The following OSBPL6 variants were observed in gnomAD, a reference collection of about 807,000 sequenced individuals.
The protein encoded by OSBPL6 is oxysterol binding protein like 6.
Under a neutral mutation model 125.8 loss-of-function variants are expected in OSBPL6, and 49 were observed. That is an observed-to-expected ratio of 0.39 (90% CI 0.31 to 0.49). OSBPL6 has a LOEUF of 0.49. Among genes scored for constraint, OSBPL6 ranks in the 20% least tolerant of loss-of-function variants. The pLI is 0.88. For synonymous variants in OSBPL6, 394 were observed against 391.8 expected, an observed-to-expected ratio of 1.01 and a Z score of -0.07; for missense variants, 986 against 1,135.4, an observed-to-expected ratio of 0.87 and a Z score of 1.89.
intron 1 of OSBPL6, among the ~76,000 whole-genome samples, chr2:178,282,079 G>T (rs1684249345): frequency 6.6e-6 from 1 of 152,208 alleles, no homozygotes; most frequent in South Asian, 2.1e-4. Flanking sequence ...GACACAAATA[G>T]AACTGACCAA....
intron 1 of OSBPL6, among the ~76,000 whole-genome samples, chr2:178,205,275 C>T (rs917681040): frequency 6.6e-6 from 1 of 152,066 alleles, no homozygotes; most frequent in Non-Finnish European, 1.5e-5. Context: ...AGAGAGGAAG[C>T]CAAAGATGAA....
chr2:178,319,222 G>A (rs1688032077), intron 3 of OSBPL6, among the ~76,000 whole-genome samples: 2 of 152,296 alleles, frequency 1.3e-5, no homozygotes, highest in Admixed American at 6.5e-5. Context: ...TGGTTTGAGT[G>A]TGTTTTTGAA....
intron 1 of OSBPL6, among the ~76,000 whole-genome samples, chr2:178,276,909 C>T (rs1330168509): frequency 6.6e-6 from 1 of 151,926 alleles, no homozygotes; most frequent in African/African-American, 2.4e-5. Context: ...CTCTGCTAGG[C>T]AGGAGTCAGC....
chr2:178,381,393 G>A (rs548953996), intron 15 of OSBPL6, among the ~76,000 whole-genome samples: 12 of 152,018 alleles, frequency 7.9e-5, no homozygotes, highest in African/African-American at 1.7e-4. Context: ...TCGCTCTGTC[G>A]CCCAGGCTAG....
intron 1 of OSBPL6, among the ~76,000 whole-genome samples, chr2:178,216,992 C>T (rs2090120205): frequency 6.6e-6 from 1 of 152,196 alleles, no homozygotes; most frequent in African/African-American, 2.4e-5. Context: ...GAAAGAGCCA[C>T]TGTTGGGACG....
At chr2:178,384,979 A>T (rs926859209) in intron 18 of OSBPL6, among the ~76,000 whole-genome samples, 1 of 152,150 alleles carries the variant, frequency 6.6e-6, no homozygotes, top group Non-Finnish European at 1.5e-5. Context: ...GAAAACTAAC[A>T]CAAGAACAGA....
chr2:178,292,111 C>T (rs1685333895), intron 2 of OSBPL6, among the ~76,000 whole-genome samples: 1 of 151,950 alleles, frequency 6.6e-6, no homozygotes, highest in African/African-American at 2.4e-5. Context: ...CATCCCCCAC[C>T]CTCCAGTAAA....
intron 6 of OSBPL6, 138 bp downstream of exon 6, chr2:178,331,743 C>T: frequency 1.2e-6 from 1 of 840,614 alleles, no homozygotes; most frequent in Non-Finnish European, 2.0e-6. Context: ...CACAAGCTCC[C>T]AAACCTCCAT....
Position 178,306,059 on chromosome 2 carries a change from T to C in OSBPL6, c.-126T>C, listed in dbSNP as rs75837920. On this transcript the variant is annotated 5_prime_UTR_variant, in exon 3 of 25. Transcript: ENST00000190611. ...TTTGGACACCCTCAATATTGCCTGC[T>C]CTTTTCTAGTCAAACCTGATTCATG... 3.1e-5 allele frequency: 20 copies of C among 644,000 alleles called. No homozygotes were observed. Among genetic ancestry groups the C allele is most frequent in the East Asian group, 2.7e-4 (10 of 37,190 alleles). The allele number at this position is 644,000 out of a possible 1,614,324, so 39.9% of individuals were successfully genotyped here. A position where few individuals can be genotyped will look rare whatever the true frequency, so the allele number is the denominator to read the frequency against.
chr2:178,305,728 G>A lies in OSBPL6; in HGVS notation c.-155-302G>A, dbSNP rs746794348. 7.9e-5 allele frequency among the ~76,000 whole-genome samples: 12 copies of A among 152,232 alleles called. No homozygotes were observed. The East Asian group carries it at 1.2e-3, about 15-fold the overall frequency. On this transcript the variant is annotated intron_variant, in intron 2 of 24. Coordinates refer to ENST00000190611, the MANE Select transcript of OSBPL6 (RefSeq NM_032523.4). The stretch of plus-strand genomic sequence containing the variant: ...TTACGTTTCCGGAGGAGAATCTGGC[G>A]TCTTTAGCATCAGGGTCTCAAATAT...
intron 13 of OSBPL6, among the ~76,000 whole-genome samples, chr2:178,365,098 C>G (rs1449526449): frequency 2.6e-5 from 4 of 152,012 alleles, no homozygotes; most frequent in Non-Finnish European, 5.9e-5. Context: ...ATCACTTGAA[C>G]CCAGGAGGTG....
intron 3 of OSBPL6, among the ~76,000 whole-genome samples, chr2:178,317,009 A>G (rs1191201628): frequency 1.3e-5 from 2 of 152,130 alleles, no homozygotes; most frequent in African/African-American, 4.8e-5. Context: ...CTGAAAGAAG[A>G]TATATCAAAA....
At chr2:178,313,172 A>C (rs1218087875) in intron 3 of OSBPL6, among the ~76,000 whole-genome samples, 3 of 152,186 alleles carry the variant, frequency 2.0e-5, no homozygotes, top group Non-Finnish European at 4.4e-5. Context: ...CTGAGATTAC[A>C]AGCATGAGCC....
intron 17 of OSBPL6, 126 bp from the exon 18 acceptor site, chr2:178,383,913 A>G (rs1385102469): frequency 5.2e-6 from 6 of 1,144,722 alleles, no homozygotes; most frequent in Non-Finnish European, 7.4e-6. Context: ...CAGACAATAG[A>G]AAATGCAACT....
intron 23 of OSBPL6, among the ~76,000 whole-genome samples, chr2:178,393,854 C>T (rs1352293630): frequency 6.6e-6 from 1 of 152,188 alleles, no homozygotes; most frequent in Non-Finnish European, 1.5e-5. Context: ...AGCTCCTTCC[C>T]TCTCAGCCTG....
At chr2:178,321,800 A>G (rs778998971) in intron 3 of OSBPL6, among the ~76,000 whole-genome samples, 29 of 152,338 alleles carry the variant, frequency 1.9e-4, no homozygotes, top group South Asian at 4.1e-4. Context: ...AATGTTTTTT[A>G]TGATTCTCTG....
chr2:178,339,818 G>C, intron 11 of OSBPL6, 54 bp downstream of exon 11: 1 of 1,338,458 alleles, frequency 7.5e-7, no homozygotes, highest in South Asian at 1.4e-5. Context: ...TAAAGTACTA[G>C]TCTTTATACA....
chr2:178,362,919 G>T (rs1692485527), intron 13 of OSBPL6, among the ~76,000 whole-genome samples: 1 of 152,168 alleles, frequency 6.6e-6, no homozygotes, highest in South Asian at 2.1e-4. Context: ...TTATTTAGAA[G>T]AACATTTTAA....
At chr2:178,215,126 CA>C (rs1483017218) in intron 1 of OSBPL6, among the ~76,000 whole-genome samples, 1 of 146,156 alleles carries the variant, frequency 6.8e-6, no homozygotes, top group Non-Finnish European at 1.5e-5. Flanking sequence ...AAAACAGAAA[CA>C]AAAAAACCTT....
Sources: gnomAD v4.1 joint callset for allele counts (sites outside exome capture counted in the v4.1 genomes callset) on GRCh38, gnomAD v4.1.1 for gene constraint, MANE v1.5 for transcripts, NCBI Gene and HGNC (gene_info 2026-07-23, HGNC 2026-07-21) for gene names.